The following HGF variants were observed in gnomAD, a reference collection of about 807,000 sequenced individuals.
HGF encodes the protein hepatocyte growth factor.
Under a neutral mutation model 111.6 loss-of-function variants are expected in HGF, and 39 were observed. The observed-to-expected ratio is 0.35, with a 90% CI of 0.27 to 0.46. The LOEUF (loss-of-function observed/expected upper bound fraction) is 0.46, where lower values mean the gene tolerates loss of function less well. HGF is among the 20% of genes least tolerant of loss of function. HGF has a pLI of 1.00. For missense variants in HGF, 735 were observed against 910.5 expected (o/e 0.81, Z 2.48); for synonymous variants, 285 against 294.8 (o/e 0.97, Z 0.34).
intron 11 of HGF, among the ~76,000 whole-genome samples, chr7:81,715,282 T>A (rs1789679414): frequency 6.6e-6 from 1 of 152,114 alleles, no homozygotes; most frequent in South Asian, 2.1e-4. Context: ...CCTCCATTAG[T>A]CTTAACCATA....
intron 1 of HGF, among the ~76,000 whole-genome samples, 189 bp downstream of exon 1, chr7:81,769,695 G>T (rs1363344866): frequency 6.6e-6 from 1 of 151,966 alleles, no homozygotes; most frequent in Non-Finnish European, 1.5e-5. Context: ...CATTTTAAAT[G>T]CTATTCAAAC....
At chr7:81,740,828 G>A (rs1007698782) in intron 7 of HGF, among the ~76,000 whole-genome samples, 1 of 152,194 alleles carries the variant, frequency 6.6e-6, no homozygotes, top group Non-Finnish European at 1.5e-5. Flanking sequence ...CCTGAGGTGA[G>A]GTAGGCACCT....
intron 1 of HGF, among the ~76,000 whole-genome samples, chr7:81,766,947 C>T (rs1013637818): frequency 2.6e-5 from 4 of 152,216 alleles, no homozygotes; most frequent in Admixed American, 2.6e-4. Context: ...CACTCACAGA[C>T]AATATTCCCC....
chr7:81,719,545 A>T (rs898055856), intron 10 of HGF, among the ~76,000 whole-genome samples: 3 of 152,238 alleles, frequency 2.0e-5, no homozygotes, highest in Admixed American at 2.0e-4. Flanking sequence ...ATAATGTAAA[A>T]GATATTTTTA....
chr7:81,708,824 C>T (rs1031609343), intron 13 of HGF, among the ~76,000 whole-genome samples: 9 of 152,114 alleles, frequency 5.9e-5, no homozygotes, highest in Admixed American at 4.6e-4. Context: ...ATACTGCACA[C>T]TCAGCTTTAA....
Position 81,727,217 on chromosome 7 carries a change from T to C in HGF, c.1041-1200A>G, listed in dbSNP as rs938643945. ...CACCACGCCCGGCTAATTGTTTTTTTTTTTTTTAGTAGAGACAGGGTTTCA... is the reference window on the plus strand; with the variant it reads ...CACCACGCCCGGCTAATTGTTTTTTCTTTTTTTAGTAGAGACAGGGTTTCA... On this transcript the variant is annotated intron_variant, in intron 8 of 17. Coordinates refer to ENST00000222390, the MANE Select transcript of HGF (RefSeq NM_000601.6). Among the ~76,000 whole-genome samples the C allele has an allele frequency of 7.9e-5, 12 of 151,690 alleles. No homozygotes were observed. In the South Asian group the frequency reaches 2.5e-3, roughly 32 times the overall value.
Position 81,729,743 on chromosome 7 carries a change from T to G in HGF, c.902A>C (p.Glu301Ala), listed in dbSNP as rs1360305925. 5.6e-6 allele frequency: 9 copies of G among 1,613,930 alleles called. 1 individual carries two copies. In the South Asian group the frequency reaches 9.9e-5, roughly 18 times the overall value. ...TTGACCTTGGATGCATTCAGTTGTTTCCAAAGGAACATCAGTGTCATTCAT... is the reference window on the plus strand; with the variant it reads ...TTGACCTTGGATGCATTCAGTTGTTGCCAAAGGAACATCAGTGTCATTCAT... The part of the protein sequence containing the change: ...NTMNDTDVPL[E>A]TTECIQGQGE... Residue 301 changes from glutamate to alanine, a missense_variant, in exon 8 of 18, where the codon GAA becomes GCA. By Grantham distance (107) the Glu-to-Ala change is moderately radical (BLOSUM62 -1). Coordinates refer to ENST00000222390, the MANE Select transcript of HGF (RefSeq NM_000601.6).
intron 4 of HGF, 42 bp downstream of exon 4, chr7:81,757,147 A>G (rs773387269): frequency 1.2e-5 from 12 of 1,011,544 alleles, no homozygotes; most frequent in African/African-American, 1.6e-5. Flanking sequence ...TAACATGTAA[A>G]AAAGACAGAG....
intron 15 of HGF, 85 bp downstream of exon 15, chr7:81,706,202 G>A: frequency 8.4e-7 from 1 of 1,188,096 alleles, no homozygotes; most frequent in Admixed American, 1.7e-5. Flanking sequence ...CTGTATGAGA[G>A]AGAACGAACT....
chr7:81,720,523 G>A (rs1789825011), intron 10 of HGF, among the ~76,000 whole-genome samples: 1 of 152,118 alleles, frequency 6.6e-6, no homozygotes, highest in African/African-American at 2.4e-5. Flanking sequence ...AGAACACATA[G>A]TAAATGCTCA....
In HGF at chr7:81,752,203, C is replaced by T. The variant is rs946485173; in HGVS notation, c.542G>A (p.Arg181Gln). The T allele has an allele frequency of 7.4e-6, 12 of 1,613,418 alleles. No homozygotes were observed. In the African/African-American group the frequency reaches 1.1e-4, roughly 14 times the overall value. Residue 181 changes from arginine to glutamine, a missense_variant, in exon 5 of 18, where the codon CGA becomes CAA. By Grantham distance (43) the Arg-to-Gln change is conservative. Around this residue, in one of 3 missense-constraint regions of HGF, gnomAD observed 553 missense variants for 685.6 expected, o/e 0.81. Transcript: ENST00000222390. ...DLQENYCRNP[R>Q]GEEGGPWCFT... ...ACACCAGGGTCCCCCTTCTTCCCCT[C>T]GAGGATTTCGACAGTAGTTTTCCTG...
chr7:81,708,699 T>G (rs1160743993), intron 13 of HGF, among the ~76,000 whole-genome samples: 1 of 151,770 alleles, frequency 6.6e-6, no homozygotes, highest in African/African-American at 2.4e-5. Flanking sequence ...TGCCTCAGCC[T>G]CCCAAACTGC....
chr7:81,751,703 A>G (rs1300805149), intron 5 of HGF: 32 of 1,038,402 alleles, frequency 3.1e-5, no homozygotes, highest in African/African-American at 1.7e-5. Flanking sequence ...ACACCACTTC[A>G]TGATAGTTTG....
intron 6 of HGF, 111 bp downstream of exon 6, chr7:81,744,889 C>A: frequency 8.4e-7 from 1 of 1,186,582 alleles, no homozygotes; most frequent in South Asian, 1.3e-5. Context: ...ATGTTATGTT[C>A]ATGTCCTATC....
chr7:81,741,017 T>G (rs1373848698), intron 7 of HGF, among the ~76,000 whole-genome samples: 1 of 152,228 alleles, frequency 6.6e-6, no homozygotes, highest in Non-Finnish European at 1.5e-5. Flanking sequence ...ATTTTTGGTT[T>G]TGCATTATAG....
intron 10 of HGF, among the ~76,000 whole-genome samples, chr7:81,717,963 A>T (rs1024439167): frequency 6.6e-6 from 1 of 152,128 alleles, no homozygotes; most frequent in Non-Finnish European, 1.5e-5. Flanking sequence ...TACAAAAGAA[A>T]AGCAAAGATT....
intron 7 of HGF, among the ~76,000 whole-genome samples, chr7:81,741,188 A>G (rs1259494011): frequency 2.0e-5 from 3 of 152,198 alleles, no homozygotes; most frequent in Non-Finnish European, 4.4e-5. Context: ...TTTTAAACTA[A>G]AAGCTATCCT....
In HGF at chr7:81,762,883, CA is replaced by C; in HGVS notation, c.89-12del. On this transcript the variant is annotated splice_polypyrimidine_tract_variant and intron_variant, in intron 1 of 17. Coordinates refer to ENST00000222390, the MANE Select transcript of HGF (RefSeq NM_000601.6). ...TTTTCCTTTGTCCCTCTATTAAATA[CA>C]AAATGTTTTAAAAAAATAAACATTG... 1.4e-6 allele frequency: 2 copies of C among 1,436,956 alleles called. No individual in the cohort carries two copies. The highest frequency in any genetic ancestry group is 2.0e-6 in the Non-Finnish European group (2 of 1,024,712). The allele number at this position is 1,436,956 out of a possible 1,614,324, so 89.0% of individuals were successfully genotyped here.
intron 4 of HGF, 119 bp downstream of exon 4, chr7:81,757,070 A>G: frequency 1.4e-6 from 1 of 713,078 alleles, no homozygotes; most frequent in South Asian, 1.5e-5. Context: ...GCCGTAATAC[A>G]ATTCAGCAAG....
Sources: allele counts gnomAD v4.1 joint callset (sites outside exome capture counted in the v4.1 genomes callset), GRCh38; gene constraint gnomAD v4.1.1; regional missense constraint gnomAD v4.1.1; transcripts MANE v1.5; gene names NCBI Gene and HGNC (gene_info 2026-07-23, HGNC 2026-07-21).